The following PCBP4 variants were observed in gnomAD, a reference collection of about 807,000 sequenced individuals.
The protein encoded by PCBP4 is poly(rC)-binding protein 4.
Under a neutral mutation model 46.2 loss-of-function variants are expected in PCBP4, and 24 were observed. The ratio of observed to expected loss-of-function variants is 0.52; its 90% CI spans 0.38 to 0.73. The LOEUF (loss-of-function observed/expected upper bound fraction) is 0.73. Among genes scored for constraint, PCBP4 ranks in the 30% least tolerant of loss-of-function variants. The pLI is 0.00. For missense variants in PCBP4, 407 were observed against 537.0 expected, an observed-to-expected ratio of 0.76 and a Z score of 2.39; for synonymous variants, 203 against 224.4, an observed-to-expected ratio of 0.90 and a Z score of 0.85.
rs939169005 is a variant in PCBP4 at position 51,958,716 on chromosome 3, C to T, written c.923+74G>A. The stretch of plus-strand genomic sequence containing the variant: ...GACAGAGAGAGGAGGCCAGCTTCCT[C>T]TCCCCACCCCTGCCTTTCTTGGGCA... On this transcript the variant is annotated intron_variant, in intron 13 of 13. Coordinates refer to ENST00000461554, the MANE Select transcript of PCBP4 (RefSeq NM_001174100.2). This position sits in a 1 kb window ranked among gnomAD's most constrained non-coding sequence, Gnocchi z 5.4. The T allele has an allele frequency of 6.6e-7, 1 of 1,521,734 alleles. No homozygotes were observed. Among genetic ancestry groups the T allele is most frequent in the Non-Finnish European group, 8.9e-7 (1 of 1,125,388 alleles). The allele number at this position is 1,521,734 out of a possible 1,614,324, so 94.3% of individuals were successfully genotyped here.
chr3:51,959,769 G>A lies in PCBP4; in HGVS notation c.517-118C>T, dbSNP rs551537347. On this transcript the variant is annotated intron_variant, in intron 8 of 13. Coordinates refer to ENST00000461554, the MANE Select transcript of PCBP4 (RefSeq NM_001174100.2). This position sits in a 1 kb window ranked among gnomAD's most constrained non-coding sequence, Gnocchi z 5.6. ...CAGGGAAATGCACATGATCCCTGGA[G>A]CTCATCATCCATCCCTGCAGCCCTG... The A allele has an allele frequency of 2.7e-6, 4 of 1,471,578 alleles. No individual in the cohort carries two copies. Among genetic ancestry groups the A allele is most frequent in the South Asian group, 2.6e-5 (2 of 78,036 alleles). 91.2% of individuals were successfully genotyped at this position (1,471,578 alleles called of 1,614,324 possible).
intron 1 of PCBP4, among the ~76,000 whole-genome samples, chr3:51,963,459 C>T (rs776846779): frequency 2.0e-5 from 3 of 152,220 alleles, no homozygotes; most frequent in Non-Finnish European, 4.4e-5. Flanking sequence ...AAAGGACTGA[C>T]AACTTGTCCA....
intron 1 of PCBP4, chr3:51,963,187 GAGC>G (rs557946995): frequency 1.3e-5 from 2 of 152,266 alleles, no homozygotes; most frequent in Non-Finnish European, 2.9e-5. Context: ...CTGGTTAGCT[GAGC>G]AGATGAATTC....
chr3:51,958,383 GA>G lies in PCBP4; in HGVS notation c.924-35del. 2 of 1,411,212 alleles carry G rather than the reference GA, an allele frequency of 1.4e-6. No individual in the cohort carries two copies. The allele number at this position is 1,411,212 out of a possible 1,614,324, so 87.4% of individuals were successfully genotyped here. On this transcript the variant is annotated intron_variant, in intron 13 of 13. Transcript: ENST00000461554. The surrounding 1 kb of genome is among the most constrained non-coding windows in gnomAD (Gnocchi z 5.4). ...AGGGATATAGAGGGGAGACAAAGGG[GA>G]AAGTGGGAGTGAGAGAGGGGCAATG...
chr3:51,959,467 A>G lies in PCBP4; in HGVS notation c.592-56T>C. ...TACTGTGACATTGCAGTTCAGCCAG[A>G]GTCACTCCTTCCCCCGTCCCTGGAC... On this transcript the variant is annotated intron_variant, in intron 9 of 13. Coordinates refer to ENST00000461554, the MANE Select transcript of PCBP4 (RefSeq NM_001174100.2). The surrounding 1 kb of genome is among the most constrained non-coding windows in gnomAD (Gnocchi z 5.6). The G allele has an allele frequency of 6.5e-7, 1 of 1,550,250 alleles. No individual in the cohort carries two copies. Among genetic ancestry groups the G allele is most frequent in the Non-Finnish European group, 8.8e-7 (1 of 1,142,390 alleles).
In PCBP4 at chr3:51,960,088, T is replaced by C; in HGVS notation, c.388-65A>G. On this transcript the variant is annotated intron_variant, in intron 7 of 13. Coordinates refer to ENST00000461554, the MANE Select transcript of PCBP4 (RefSeq NM_001174100.2). The surrounding 1 kb of genome is among the most constrained non-coding windows in gnomAD (Gnocchi z 5.0). The stretch of plus-strand genomic sequence containing the variant: ...TAACCCAGAAAAGGGCTGCCCAGGC[T>C]CAGAGCTCTCTAGGTGGGGAGGACG... 1 of 1,614,128 alleles carries C rather than the reference T, an allele frequency of 6.2e-7. No homozygotes were observed. The highest frequency in any genetic ancestry group is 2.2e-5 in the East Asian group (1 of 44,890).
chr3:51,967,279 C>G (rs1184979828), intron 1 of PCBP4, 47 bp downstream of exon 1: 1 of 152,034 alleles, frequency 6.6e-6, no homozygotes, highest in Non-Finnish European at 1.5e-5. Context: ...CCCGGGCGAA[C>G]CCCCAAACTT....
chr3:51,964,782 A>G (rs1365548060), intron 1 of PCBP4, among the ~76,000 whole-genome samples: 6 of 152,176 alleles, frequency 3.9e-5, no homozygotes, highest in Non-Finnish European at 7.3e-5. Context: ...TCTTGGACAC[A>G]TGTGCCCAGC....
intron 1 of PCBP4, among the ~76,000 whole-genome samples, chr3:51,965,241 A>C (rs1700366747): frequency 6.6e-6 from 1 of 152,256 alleles, no homozygotes. Context: ...AACTCCACAG[A>C]CAGGCCATCA....
In PCBP4 at chr3:51,959,586, A is replaced by G. The variant is rs1410904225; in HGVS notation, c.582T>C (p.Ser194=). The G allele has an allele frequency of 6.4e-7, 1 of 1,552,552 alleles. No individual in the cohort carries two copies. The highest frequency in any genetic ancestry group is 2.4e-5 in the East Asian group (1 of 41,092). ...PSLSLGTVLL[S]ANQGFSVQGQ... is the part of the protein sequence containing the mutation. Reference sequence around the variant, plus strand: ...CTGTTGTTCCCCTCACCTGGTTGGCAGAGAGAAGAACAGTACCTAGGGAGA... The same window carrying G: ...CTGTTGTTCCCCTCACCTGGTTGGCGGAGAGAAGAACAGTACCTAGGGAGA... The change falls in exon 9 of 14, where the codon TCT becomes TCC. Residue 194 remains serine (S), a synonymous_variant. Coordinates refer to ENST00000461554, the MANE Select transcript of PCBP4 (RefSeq NM_001174100.2). The surrounding 1 kb of genome is among the most constrained non-coding windows in gnomAD (Gnocchi z 5.6).
chr3:51,960,260 G>C lies in PCBP4; in HGVS notation c.316C>G (p.Leu106Val). Residue 106 changes from leucine (L) to valine (V), a missense_variant, in exon 7 of 14, where the codon CTT becomes GTT. Physicochemically the swap from Leu to Val is conservative, Grantham distance 32. Coordinates refer to ENST00000461554, the MANE Select transcript of PCBP4 (RefSeq NM_001174100.2). The surrounding 1 kb of genome is among the most constrained non-coding windows in gnomAD (Gnocchi z 5.0). ...CCACACTGACTGGCAGGGATGACAAGGCGCAGGGTCACTGGAGGCCTGGAG... is the reference window on the plus strand; with the variant it reads ...CCACACTGACTGGCAGGGATGACAACGCGCAGGGTCACTGGAGGCCTGGAG... ...NVSRPPVTLR[L>V]VIPASQCGSL... 6.2e-7 allele frequency: 1 copy of C among 1,614,110 alleles called. No individual in the cohort carries two copies. The highest frequency in any genetic ancestry group is 1.1e-5 in the South Asian group (1 of 91,088).
At chr3:51,962,231 T>C (rs1284555801) in intron 1 of PCBP4, 143 bp from the exon 2 acceptor site, 1 of 152,202 alleles carries the variant, frequency 6.6e-6, no homozygotes, top group East Asian at 1.9e-4. Context: ...TCCCTGGGAC[T>C]GCGTGATGGG....
chr3:51,963,444 T>G lies in PCBP4; in HGVS notation c.-212-1356A>C, dbSNP rs143033609. On this transcript the variant is annotated intron_variant, in intron 1 of 13. Coordinates refer to ENST00000461554, the MANE Select transcript of PCBP4 (RefSeq NM_001174100.2). ...GCCTAGCTAGAAGACAGGGATCCTA[T>G]TTGGAAAGGACTGACAACTTGTCCA... Among the ~76,000 whole-genome samples the G allele has an allele frequency of 3.8e-4, 58 of 152,294 alleles. 1 individual carries two copies. In the East Asian group the frequency reaches 9.1e-3, roughly 24 times the overall value.
chr3:51,958,654 A>C lies in PCBP4; in HGVS notation c.923+136T>G. 2 of 941,814 alleles carry C rather than the reference A, an allele frequency of 2.1e-6. No homozygotes were observed. The highest frequency in any genetic ancestry group is 3.1e-6 in the Non-Finnish European group (2 of 643,484). 58.3% of individuals were successfully genotyped at this position (941,814 alleles called of 1,614,324 possible). A position where few individuals can be genotyped will look rare whatever the true frequency, so the allele number is the denominator to read the frequency against. ...GTGAATTAGGCAAAGACCATGGGGAATTGGAGTAGGGTTAGGAGAGGCAGA... is the reference window on the plus strand; with the variant it reads ...GTGAATTAGGCAAAGACCATGGGGACTTGGAGTAGGGTTAGGAGAGGCAGA... On this transcript the variant is annotated intron_variant, in intron 13 of 13. Transcript: ENST00000461554. The surrounding 1 kb of genome is among the most constrained non-coding windows in gnomAD (Gnocchi z 5.4).
intron 1 of PCBP4, among the ~76,000 whole-genome samples, chr3:51,964,372 G>C (rs528234621): frequency 6.6e-5 from 10 of 152,300 alleles, no homozygotes; most frequent in African/African-American, 2.4e-4. Flanking sequence ...AGAACAATCC[G>C]GGGGAGGGGA....
chr3:51,965,523 C>T (rs1374664061), intron 1 of PCBP4, among the ~76,000 whole-genome samples: 3 of 152,216 alleles, frequency 2.0e-5, no homozygotes, highest in East Asian at 1.9e-4. Flanking sequence ...AAGAAGTCCC[C>T]GCTGGGCATT....
In PCBP4 at chr3:51,959,841, A is replaced by G; in HGVS notation, c.516+54T>C. ...GGCATAGGGTTTGGGGTCCCCGACA[A>G]GGCAGACCCAGGGCCCATCTCCTGC... On this transcript the variant is annotated intron_variant, in intron 8 of 13. Transcript: ENST00000461554. The surrounding 1 kb of genome is among the most constrained non-coding windows in gnomAD (Gnocchi z 5.6). 6.4e-7 allele frequency: 1 copy of G among 1,552,598 alleles called. No homozygotes were observed. The highest frequency in any genetic ancestry group is 1.4e-5 in the African/African-American group (1 of 73,262).
Position 51,959,039 on chromosome 3 carries a change from C to T in PCBP4, c.753+8G>A, listed in dbSNP as rs200887292. The T allele has an allele frequency of 3.1e-6, 5 of 1,613,844 alleles. No homozygotes were observed. In the African/African-American group the frequency reaches 4.0e-5, roughly 13 times the overall value. On this transcript the variant is annotated splice_region_variant and intron_variant, in intron 12 of 13. Coordinates refer to ENST00000461554, the MANE Select transcript of PCBP4 (RefSeq NM_001174100.2). The surrounding 1 kb of genome is among the most constrained non-coding windows in gnomAD (Gnocchi z 5.6). Reference sequence around the variant, plus strand: ...ACCCACCCTCCAGCCATCCCATCCCCTGCTCACATCGTTGGGAACCAAGAA... The same window carrying T: ...ACCCACCCTCCAGCCATCCCATCCCTTGCTCACATCGTTGGGAACCAAGAA...
chr3:51,959,650 G>A lies in PCBP4; in HGVS notation c.518C>T (p.Ser173Phe). The change falls in exon 9 of 14, where the codon TCC (serine) becomes TTC (phenylalanine). Residue 173 changes from serine (S) to phenylalanine (F), a missense_variant and splice_region_variant. Coordinates refer to ENST00000461554, the MANE Select transcript of PCBP4 (RefSeq NM_001174100.2). The surrounding 1 kb of genome is among the most constrained non-coding windows in gnomAD (Gnocchi z 5.6). Reference sequence around the variant, plus strand: ...GGGGATAGTGGCTCCTTTGGGTGGGGACTGGAAGGCATAAACAGGGCTCTG... The same window carrying A: ...GGGGATAGTGGCTCCTTTGGGTGGGAACTGGAAGGCATAAACAGGGCTCTG... The part of the protein sequence containing the change: ...VRQICAVILE[S>F]PPKGATIPYH... The A allele has an allele frequency of 1.9e-6, 3 of 1,551,538 alleles. No homozygotes were observed. Among genetic ancestry groups the A allele is most frequent in the South Asian group, 2.4e-5 (2 of 84,066 alleles).
Sources: allele counts gnomAD v4.1 joint callset (sites outside exome capture counted in the v4.1 genomes callset), GRCh38; gene constraint gnomAD v4.1.1; non-coding constraint Gnocchi (gnomAD v3.1); transcripts MANE v1.5; gene names NCBI Gene and HGNC (gene_info 2026-07-23, HGNC 2026-07-21).